Variants in TRIM56 observed in about 807,000 individuals in gnomAD.
The protein encoded by TRIM56 is E3 ubiquitin-protein ligase TRIM56.
Under a neutral mutation model 17.1 loss-of-function variants are expected in TRIM56, and 10 were observed. That is an observed-to-expected ratio of 0.58 (90% CI 0.36 to 0.99). TRIM56 has a LOEUF of 0.99. TRIM56 is among the 50% of genes least tolerant of loss of function. The pLI is 0.01. For missense variants in TRIM56, 923 were observed against 1,052.3 expected (o/e 0.88, Z 1.70); for synonymous variants, 503 against 473.5 (o/e 1.06, Z -0.81).
Position 101,094,326 on chromosome 7 carries a change from A to C in TRIM56, c.*4746A>C, listed in dbSNP as rs999937610. 6.8e-6 allele frequency: 1 copy of C among 146,328 alleles called. No individual in the cohort carries two copies. The highest frequency in any genetic ancestry group is 2.6e-5 in the African/African-American group (1 of 39,060). The allele number at this position is 146,328 out of a possible 1,614,324, so 9.1% of individuals were successfully genotyped here. A position where few individuals can be genotyped will look rare whatever the true frequency, so the allele number is the denominator to read the frequency against. ...AGTAGAAATAGGTTCGGAATTTGTAAATAGTCATTAATTTGGGAGATTGGG... is the reference window on the plus strand; with the variant it reads ...AGTAGAAATAGGTTCGGAATTTGTACATAGTCATTAATTTGGGAGATTGGG... On this transcript the variant is annotated 3_prime_UTR_variant, in exon 3 of 3. Transcript: ENST00000306085.
Position 101,088,283 on chromosome 7 carries a change from T to C in TRIM56, c.971T>C (p.Leu324Pro), listed in dbSNP as rs769678305. Reference sequence around the variant, plus strand: ...GGGCGAGAGGCCGAGATCCTCTCCCTGGAAGGGGCGATCGCACAGCGGCTC... The same window carrying C: ...GGGCGAGAGGCCGAGATCCTCTCCCCGGAAGGGGCGATCGCACAGCGGCTC... ...SLGREAEILS[L>P]EGAIAQRLRQ... Residue 324 changes from leucine to proline, a missense_variant, in exon 3 of 3, where the codon CTG (leucine) becomes CCG (proline). This residue lies in a region of TRIM56 where 643 missense variants were observed against 665.6 expected (regional missense o/e 0.97). Transcript: ENST00000306085. 1.3e-6 allele frequency: 2 copies of C among 1,520,034 alleles called. No individual in the cohort carries two copies. Among genetic ancestry groups the C allele is most frequent in the Admixed American group, 2.1e-5 (1 of 46,862 alleles). The allele number at this position is 1,520,034 out of a possible 1,614,324, so 94.2% of individuals were successfully genotyped here. A position where few individuals can be genotyped will look rare whatever the true frequency, so the allele number is the denominator to read the frequency against.
rs374848286 is a variant in TRIM56, at chr7:101,088,811, G to T, written c.1499G>T (p.Arg500Leu). 1.9e-6 allele frequency: 3 copies of T among 1,613,650 alleles called. No individual in the cohort carries two copies. The highest frequency in any genetic ancestry group is 2.2e-5 in the East Asian group (1 of 44,890). ...RPIFYCSFPT[R>L]MPGDKRSPRI... ...ATCTTTTACTGCAGTTTCCCCACGCGGATGCCTGGAGACAAGCGGTCCCCC... is the reference window on the plus strand; with the variant it reads ...ATCTTTTACTGCAGTTTCCCCACGCTGATGCCTGGAGACAAGCGGTCCCCC... Residue 500 changes from arginine (R) to leucine (L), a missense_variant, in exon 3 of 3, where the codon CGG (arginine) becomes CTG (leucine). Coordinates refer to ENST00000306085, the MANE Select transcript of TRIM56 (RefSeq NM_030961.3).
chr7:101,091,970 G>A lies in TRIM56; in HGVS notation c.*2390G>A. ...GCCTGACTGGTTTTCGTATTTTTTTGGTGGAGACGGGGTTTCACTGTGTTG... is the reference window on the plus strand; with the variant it reads ...GCCTGACTGGTTTTCGTATTTTTTTAGTGGAGACGGGGTTTCACTGTGTTG... On this transcript the variant is annotated 3_prime_UTR_variant, in exon 3 of 3. Coordinates refer to ENST00000306085, the MANE Select transcript of TRIM56 (RefSeq NM_030961.3). The A allele has an allele frequency of 3.2e-6, 1 of 308,394 alleles. No homozygotes were observed. The highest frequency in any genetic ancestry group is 6.4e-6 in the Non-Finnish European group (1 of 155,946). The allele number at this position is 308,394 out of a possible 1,614,324, so 19.1% of individuals were successfully genotyped here. A position where few individuals can be genotyped will look rare whatever the true frequency, so the allele number is the denominator to read the frequency against.
At chr7:101,086,335 C>T (rs1016034769) in intron 1 of TRIM56, among the ~76,000 whole-genome samples, 2 of 151,448 alleles carry the variant, frequency 1.3e-5, no homozygotes, top group African/African-American at 2.4e-5. Flanking sequence ...CCGAGGAGGG[C>T]GGATCACCTG....
chr7:101,089,539 G>C lies in TRIM56; in HGVS notation c.2227G>C (p.Gly743Arg). 6.2e-7 allele frequency: 1 copy of C among 1,614,134 alleles called. No homozygotes were observed. Among genetic ancestry groups the C allele is most frequent in the Non-Finnish European group, 8.5e-7 (1 of 1,180,020 alleles). ...GTACCTGGTCGTGTCCCTCAGTAAC[G>C]GGACCATCCACATCTTTCGGGTCCG... ...GRYLVVSLSN[G>R]TIHIFRVRSP... Residue 743 changes from glycine (G) to arginine (R), a missense_variant, in exon 3 of 3, where the codon GGG (glycine) becomes CGG (arginine). Coordinates refer to ENST00000306085, the MANE Select transcript of TRIM56 (RefSeq NM_030961.3).
At position 101,096,780 on chromosome 7, in the gene TRIM56, TCTC is replaced by T. The variant is rs1177376204; in HGVS notation, c.*7203_*7205del. 1.3e-5 allele frequency: 2 copies of T among 152,174 alleles called. No individual in the cohort carries two copies. The highest frequency in any genetic ancestry group is 4.8e-5 in the African/African-American group (2 of 41,434). 9.4% of individuals were successfully genotyped at this position (152,174 alleles called of 1,614,324 possible). The stretch of plus-strand genomic sequence containing the variant: ...GAGTAGAGCTTTCTGCAAATCAGCT[TCTC>T]CTTCAGAGGAGACCATTTTGTTTTG... On this transcript the variant is annotated 3_prime_UTR_variant, in exon 3 of 3. Coordinates refer to ENST00000306085, the MANE Select transcript of TRIM56 (RefSeq NM_030961.3).
chr7:101,090,726 A>G lies in TRIM56; in HGVS notation c.*1146A>G, dbSNP rs916658850. 2 of 146,766 alleles carry G rather than the reference A, an allele frequency of 1.4e-5. No individual in the cohort carries two copies. The highest frequency in any genetic ancestry group is 2.6e-5 in the African/African-American group (1 of 38,472). 9.1% of individuals were successfully genotyped at this position (146,766 alleles called of 1,614,324 possible). The stretch of plus-strand genomic sequence containing the variant: ...TAAATAAATAAATAAATAAATAAAT[A>G]CCAAGTTATGAGTGTCAGAGCAGGG... On this transcript the variant is annotated 3_prime_UTR_variant, in exon 3 of 3. Coordinates refer to ENST00000306085, the MANE Select transcript of TRIM56 (RefSeq NM_030961.3).
At position 101,088,230 on chromosome 7, in the gene TRIM56, C is replaced by T. The variant is rs1364586805; in HGVS notation, c.918C>T (p.Ala306=). ...EGREQVARAA[A]AFARRVLSLG... The stretch of plus-strand genomic sequence containing the variant: ...GGGAGCAGGTGGCCAGGGCCGCAGC[C>T]GCCTTCGCCCGCCGGGTACTCAGCC... The change falls in exon 3 of 3, where the codon GCC becomes GCT. Residue 306 remains alanine, a synonymous_variant. Coordinates refer to ENST00000306085, the MANE Select transcript of TRIM56 (RefSeq NM_030961.3). 16 of 1,458,514 alleles carry T rather than the reference C, an allele frequency of 1.1e-5. No homozygotes were observed. In the African/African-American group the frequency reaches 1.3e-4, roughly 12 times the overall value. 90.3% of individuals were successfully genotyped at this position (1,458,514 alleles called of 1,614,324 possible).
chr7:101,089,474 G>C lies in TRIM56; in HGVS notation c.2162G>C (p.Gly721Ala), dbSNP rs1400928600. ...GGAGACTTCCTGACAGCCTACCACG[G>C]CCTGGAAAAGCCCCGGGTTACCACC... ...LLGDFLTAYH[G>A]LEKPRVTTMV... The change falls in exon 3 of 3, where the codon GGC becomes GCC. Residue 721 changes from glycine to alanine, a missense_variant. Physicochemically the swap from Gly to Ala is moderately conservative, Grantham distance 60. This residue lies in a region of TRIM56 where 182 missense variants were observed against 243.1 expected (regional missense o/e 0.75). Coordinates refer to ENST00000306085, the MANE Select transcript of TRIM56 (RefSeq NM_030961.3). 4 of 1,614,106 alleles carry C rather than the reference G, an allele frequency of 2.5e-6. No homozygotes were observed. The African/African-American group carries it at 5.3e-5, about 22-fold the overall frequency.
rs1244374988 is a variant in TRIM56, at chr7:101,097,339, T to G, written c.*7759T>G. The G allele has an allele frequency of 1.3e-5, 2 of 152,120 alleles. No individual in the cohort carries two copies. Among genetic ancestry groups the G allele is most frequent in the Admixed American group, 6.6e-5 (1 of 15,254 alleles). 9.4% of individuals were successfully genotyped at this position (152,120 alleles called of 1,614,324 possible). A position where few individuals can be genotyped will look rare whatever the true frequency, so the allele number is the denominator to read the frequency against. On this transcript the variant is annotated 3_prime_UTR_variant, in exon 3 of 3. Transcript: ENST00000306085. ...ATTGGGGAGAAGGTCTTGGATGAAC[T>G]GGGGCAGAGAACTGCCAGAGAGAGT...
Position 101,088,063 on chromosome 7 carries a change from G to T in TRIM56, c.751G>T (p.Val251Leu), listed in dbSNP as rs764254553. Residue 251 changes from valine to leucine, a missense_variant, in exon 3 of 3, where the codon GTG becomes TTG. By Grantham distance (32) the Val-to-Leu change is conservative. Transcript: ENST00000306085. ...LARLREQAAR[V>L]GTQVEEAAEG... ...CCGGCTGCGGGAGCAGGCGGCCCGGGTGGGGACTCAGGTGGAGGAGGCGGC... is the reference window on the plus strand; with the variant it reads ...CCGGCTGCGGGAGCAGGCGGCCCGGTTGGGGACTCAGGTGGAGGAGGCGGC... The T allele has an allele frequency of 6.5e-7, 1 of 1,529,460 alleles. No homozygotes were observed. Among genetic ancestry groups the T allele is most frequent in the Non-Finnish European group, 8.8e-7 (1 of 1,140,852 alleles). 94.7% of individuals were successfully genotyped at this position (1,529,460 alleles called of 1,614,324 possible). A position where few individuals can be genotyped will look rare whatever the true frequency, so the allele number is the denominator to read the frequency against.
In TRIM56 at chr7:101,088,982, C is replaced by G. The variant is rs1228729179; in HGVS notation, c.1670C>G (p.Ala557Gly). 1 of 1,611,156 alleles carries G rather than the reference C, an allele frequency of 6.2e-7. No individual in the cohort carries two copies. Among genetic ancestry groups the G allele is most frequent in the Non-Finnish European group, 8.5e-7 (1 of 1,179,966 alleles). ...GGCTGCTCCCCTTGCAGCGTGGCCG[C>G]CCTGCAGAGCGCGGTGGCCTTCTCC... ...PEGCSPCSVA[A>G]LQSAVAFSAS... Residue 557 changes from alanine (A) to glycine (G), a missense_variant, in exon 3 of 3, where the codon GCC (alanine) becomes GGC (glycine). By Grantham distance (60) the Ala-to-Gly change is moderately conservative. Around this residue, in one of 3 missense-constraint regions of TRIM56, gnomAD observed 643 missense variants for 665.6 expected, o/e 0.97. Coordinates refer to ENST00000306085, the MANE Select transcript of TRIM56 (RefSeq NM_030961.3).
rs1375033526 is a variant in TRIM56, at chr7:101,093,665, A to C, written c.*4085A>C. 6.6e-6 allele frequency: 1 copy of C among 152,148 alleles called. No individual in the cohort carries two copies. Among genetic ancestry groups the C allele is most frequent in the Non-Finnish European group, 1.5e-5 (1 of 68,072 alleles). The allele number at this position is 152,148 out of a possible 1,614,324, so 9.4% of individuals were successfully genotyped here. On this transcript the variant is annotated 3_prime_UTR_variant, in exon 3 of 3. Coordinates refer to ENST00000306085, the MANE Select transcript of TRIM56 (RefSeq NM_030961.3). The stretch of plus-strand genomic sequence containing the variant: ...GCCACTACGGTGAAACCCCATCTCT[A>C]CTAAAAATACAAAAATTACCCGGGT...
At position 101,088,620 on chromosome 7, in the gene TRIM56, G is replaced by T. The variant is rs1464507982; in HGVS notation, c.1308G>T (p.Glu436Asp). The T allele has an allele frequency of 6.2e-7, 1 of 1,613,668 alleles. No individual in the cohort carries two copies. The highest frequency in any genetic ancestry group is 1.3e-5 in the African/African-American group (1 of 74,886). ...GAGAAGAGGGAGCCCAGACCTTGGA[G>T]GAGGACAGGGCCCAGACACCCCACG... Reference protein sequence around the residue: ...TTREEGAQTLEEDRAQTPHED... With the variant: ...TTREEGAQTLDEDRAQTPHED... Residue 436 changes from glutamate (E) to aspartate (D), a missense_variant, in exon 3 of 3, where the codon GAG (glutamate) becomes GAT (aspartate). Physicochemically the swap from Glu to Asp is conservative, Grantham distance 45. Coordinates refer to ENST00000306085, the MANE Select transcript of TRIM56 (RefSeq NM_030961.3).
Position 101,088,329 on chromosome 7 carries a change from CT to C in TRIM56, c.1018del (p.Trp340GlyfsTer192). ...QRLRQLQGCP[W>X]APGPAPCLLP... ...GGCTCAGGCAGCTGCAGGGCTGCCC[CT>C]GGGCACCAGGCCCGGCCCCCTGCCT... On this transcript the variant is annotated frameshift_variant, in exon 3 of 3. Coordinates refer to ENST00000306085, the MANE Select transcript of TRIM56 (RefSeq NM_030961.3). LOFTEE classifies it low-confidence loss of function (END_TRUNC). 1 of 1,530,110 alleles carries C rather than the reference CT, an allele frequency of 6.5e-7. No homozygotes were observed. Among genetic ancestry groups the C allele is most frequent in the Non-Finnish European group, 8.7e-7 (1 of 1,143,336 alleles). 94.8% of individuals were successfully genotyped at this position (1,530,110 alleles called of 1,614,324 possible).
At position 101,087,889 on chromosome 7, in the gene TRIM56, C is replaced by G; in HGVS notation, c.577C>G (p.Arg193Gly). The G allele has an allele frequency of 6.2e-7, 1 of 1,605,370 alleles. No individual in the cohort carries two copies. The highest frequency in any genetic ancestry group is 8.5e-7 in the Non-Finnish European group (1 of 1,178,500). The stretch of plus-strand genomic sequence containing the variant: ...CTCACAGTTGCTGTGCAGAGAGTGC[C>G]GCCTAGACCCCCACCTGGACCACCC... Reference protein sequence around the residue: ...PCSQLLCRECRLDPHLDHPCL... With the variant: ...PCSQLLCRECGLDPHLDHPCL... Residue 193 changes from arginine (R) to glycine (G), a missense_variant, in exon 3 of 3, where the codon CGC becomes GGC. Arg to Gly is a moderately radical substitution (Grantham distance 125). This residue lies in a region of TRIM56 where 643 missense variants were observed against 665.6 expected (regional missense o/e 0.97). Transcript: ENST00000306085.
chr7:101,092,437 GCGA>G lies in TRIM56; in HGVS notation c.*2859_*2861del, dbSNP rs1795583726. On this transcript the variant is annotated 3_prime_UTR_variant, in exon 3 of 3. Coordinates refer to ENST00000306085, the MANE Select transcript of TRIM56 (RefSeq NM_030961.3). ...ATGTGAGGAGCGCCTCTGCCCGGCC[GCGA>G]CCCAGTCTGGGAGGTGAGGAGCGTC... 5.9e-6 allele frequency: 1 copy of G among 168,806 alleles called. No individual in the cohort carries two copies. Among genetic ancestry groups the G allele is most frequent in the Non-Finnish European group, 1.2e-5 (1 of 80,746 alleles). 10.5% of individuals were successfully genotyped at this position (168,806 alleles called of 1,614,324 possible).
Position 101,088,065 on chromosome 7 carries a change from G to A in TRIM56, c.753G>A (p.Val251=), listed in dbSNP as rs1562837069. 2.6e-6 allele frequency: 4 copies of A among 1,527,550 alleles called. No homozygotes were observed. The highest frequency in any genetic ancestry group is 3.5e-6 in the Non-Finnish European group (4 of 1,139,634). 94.6% of individuals were successfully genotyped at this position (1,527,550 alleles called of 1,614,324 possible). A position where few individuals can be genotyped will look rare whatever the true frequency, so the allele number is the denominator to read the frequency against. The change falls in exon 3 of 3, where the codon GTG becomes GTA. Residue 251 remains valine (V), a synonymous_variant. Coordinates refer to ENST00000306085, the MANE Select transcript of TRIM56 (RefSeq NM_030961.3). ...LARLREQAAR[V]GTQVEEAAEG... Reference sequence around the variant, plus strand: ...GGCTGCGGGAGCAGGCGGCCCGGGTGGGGACTCAGGTGGAGGAGGCGGCTG... The same window carrying A: ...GGCTGCGGGAGCAGGCGGCCCGGGTAGGGACTCAGGTGGAGGAGGCGGCTG...
At position 101,087,233 on chromosome 7, in the gene TRIM56, TGAG is replaced by T. The variant is rs1795462859; in HGVS notation, c.-2+68_-2+70del. On this transcript the variant is annotated intron_variant, in intron 2 of 2. Coordinates refer to ENST00000306085, the MANE Select transcript of TRIM56 (RefSeq NM_030961.3). Reference sequence around the variant, plus strand: ...CCTAGCCCTGGGGATCCGTGGGGCTTGAGGACGGGCGGTAGAAGCTAGAGGGTG... The same window carrying T: ...CCTAGCCCTGGGGATCCGTGGGGCTTGACGGGCGGTAGAAGCTAGAGGGTG... The T allele has an allele frequency of 3.7e-6, 5 of 1,369,388 alleles. No individual in the cohort carries two copies. In the East Asian group the frequency reaches 1.2e-4, roughly 32 times the overall value. 84.8% of individuals were successfully genotyped at this position (1,369,388 alleles called of 1,614,324 possible).
Sources: allele counts gnomAD v4.1 joint callset (sites outside exome capture counted in the v4.1 genomes callset), GRCh38; gene constraint gnomAD v4.1.1; regional missense constraint gnomAD v4.1.1; transcripts MANE v1.5; gene names NCBI Gene and HGNC (gene_info 2026-07-23, HGNC 2026-07-21).